The following RFC3 variants were observed in gnomAD, a reference collection of about 807,000 sequenced individuals.
RFC3 encodes replication factor C subunit 3.
Under a neutral mutation model 45.1 loss-of-function variants are expected in RFC3, and 41 were observed. That is an observed-to-expected ratio of 0.91 (90% CI 0.71 to 1.18). RFC3 has a LOEUF of 1.18. Among genes scored for constraint, RFC3 ranks in the 50% most tolerant of loss-of-function variants. RFC3 has a pLI of 0.00. For synonymous variants in RFC3, 149 were observed against 144.0 expected (o/e 1.03, Z -0.25); for missense variants, 423 against 428.1 (o/e 0.99, Z 0.10).
At chr13:33,961,338 T>C (rs1344093528) in intron 8 of RFC3, among the ~76,000 whole-genome samples, 1 of 152,182 alleles carries the variant, frequency 6.6e-6, no homozygotes, top group Admixed American at 6.5e-5. Flanking sequence ...TTTGAATGCT[T>C]CTCTATGTTA....
chr13:33,920,010 C>G (rs1001717207), intron 8 of RFC3, among the ~76,000 whole-genome samples: 1 of 152,108 alleles, frequency 6.6e-6, no homozygotes, highest in African/African-American at 2.4e-5. Flanking sequence ...AAAAGATGCC[C>G]TAGAAATTTT....
intron 8 of RFC3, among the ~76,000 whole-genome samples, chr13:33,857,755 T>C (rs1459750959): frequency 6.6e-6 from 1 of 152,200 alleles, no homozygotes; most frequent in South Asian, 2.1e-4. Context: ...TCAGCACTTA[T>C]TGTATATTTC....
intron 8 of RFC3, among the ~76,000 whole-genome samples, chr13:33,915,461 T>C (rs1042596946): frequency 6.6e-6 from 1 of 152,132 alleles, no homozygotes; most frequent in African/African-American, 2.4e-5. Context: ...GCTATAATTA[T>C]TATTACAGAA....
At chr13:33,912,748 A>AT (rs1477558020) in intron 8 of RFC3, among the ~76,000 whole-genome samples, 1 of 152,122 alleles carries the variant, frequency 6.6e-6, no homozygotes, top group African/African-American at 2.4e-5. Flanking sequence ...AAGATCAGAC[A>AT]TTGGATTTTA....
At chr13:33,973,301 G>T in the RFC3 span, among the ~76,000 whole-genome samples, 3 of 152,176 alleles carry the variant, frequency 2.0e-5, no homozygotes, top group African/African-American at 7.2e-5. Flanking sequence ...GCAGCATTTG[G>T]ATAGCTCACC....
intron 8 of RFC3, among the ~76,000 whole-genome samples, chr13:33,944,358 A>C (rs1484721267): frequency 1.3e-5 from 2 of 152,216 alleles, no homozygotes; most frequent in African/African-American, 4.8e-5. Flanking sequence ...ATTCCTTCCA[A>C]CGCTGCTCAT....
chr13:33,949,758 G>T lies in RFC3; in HGVS notation c.880-16329G>T, dbSNP rs182864586. ...CATTTGAATAGGTAGACTGAATAAA[G>T]CAGATTGTCTTCCCTAATGGGGTTG... On this transcript the variant is annotated intron_variant, in intron 8 of 8. Coordinates refer to the RFC3 transcript ENST00000434425. Among the ~76,000 whole-genome samples the T allele has an allele frequency of 1.4e-3, 215 of 152,304 alleles. 2 individuals are homozygous for T. Among genetic ancestry groups the T allele is most frequent in the African/African-American group, 4.8e-3 (200 of 41,568 alleles).
At chr13:33,904,746 A>C (rs185180156) in intron 8 of RFC3, among the ~76,000 whole-genome samples, 3 of 152,112 alleles carry the variant, frequency 2.0e-5, no homozygotes, top group Admixed American at 2.0e-4. Context: ...TTCCACATTT[A>C]ACATGCCCAC....
chr13:33,864,811 G>C (rs2082362751), intron 8 of RFC3, among the ~76,000 whole-genome samples: 1 of 152,156 alleles, frequency 6.6e-6, no homozygotes, highest in Admixed American at 6.5e-5. Flanking sequence ...ATTTCAACAT[G>C]AGATTTGGAG....
chr13:33,915,724 AAG>A (rs2082728704), intron 8 of RFC3, among the ~76,000 whole-genome samples: 1 of 152,112 alleles, frequency 6.6e-6, no homozygotes, highest in Non-Finnish European at 1.5e-5. Context: ...GTGATTAAAA[AAG>A]AAAACAATGA....
chr13:33,889,075 G>A (rs1391512289), intron 8 of RFC3, among the ~76,000 whole-genome samples: 1 of 152,132 alleles, frequency 6.6e-6, no homozygotes, highest in Non-Finnish European at 1.5e-5. Flanking sequence ...TGTATTACAA[G>A]ATCATACTTT....
intron 8 of RFC3, among the ~76,000 whole-genome samples, chr13:33,902,130 G>C (rs930399542): frequency 4.7e-4 from 72 of 152,022 alleles, no homozygotes; most frequent in African/African-American, 1.7e-3. Flanking sequence ...CAGGAGACAG[G>C]GTGACGTGGG....
chr13:33,835,452 A>T (rs562496894), intron 8 of RFC3: 1 of 684,282 alleles, frequency 1.5e-6, no homozygotes, highest in East Asian at 2.9e-5. Flanking sequence ...AGGAGAACAA[A>T]TAAAGAAGAG....
At chr13:33,828,198 G>A (rs1197560637) in intron 4 of RFC3, among the ~76,000 whole-genome samples, 1 of 152,060 alleles carries the variant, frequency 6.6e-6, no homozygotes, top group Non-Finnish European at 1.5e-5. Flanking sequence ...TGTGTTCTGA[G>A]CTCTATTCCC....
the RFC3 span, among the ~76,000 whole-genome samples, chr13:33,972,591 G>C: frequency 6.6e-6 from 1 of 152,106 alleles, no homozygotes; most frequent in African/African-American, 2.4e-5. Flanking sequence ...GCAAGTCCCT[G>C]TCACAATCTA....
chr13:33,904,376 T>A (rs1003401619), intron 8 of RFC3, among the ~76,000 whole-genome samples: 4 of 152,096 alleles, frequency 2.6e-5, no homozygotes, highest in Non-Finnish European at 5.9e-5. Context: ...ATGAGCATCT[T>A]TCTTTCACTC....
downstream of RFC3, among the ~76,000 whole-genome samples, chr13:33,967,788 CA>C (rs1322879256): frequency 1.1e-5 from 1 of 92,104 alleles, no homozygotes; most frequent in African/African-American, 3.7e-5. Context: ...ACCCGGCCTA[CA>C]CCAGCAATTC....
intron 8 of RFC3, among the ~76,000 whole-genome samples, chr13:33,865,833 C>G (rs2082369771): frequency 6.6e-6 from 1 of 152,124 alleles, no homozygotes; most frequent in Admixed American, 6.6e-5. Context: ...GCGGGTGGAT[C>G]ACCTGAGGTC....
At chr13:33,930,620 A>C (rs537528627) in intron 8 of RFC3, among the ~76,000 whole-genome samples, 53 of 152,210 alleles carry the variant, frequency 3.5e-4, no homozygotes, top group African/African-American at 1.3e-3. Context: ...CCCAGGAATA[A>C]TACTTTGCAT....
Sources: allele counts gnomAD v4.1 joint callset (sites outside exome capture counted in the v4.1 genomes callset), GRCh38; gene constraint gnomAD v4.1.1; transcripts MANE v1.5; gene names NCBI Gene and HGNC (gene_info 2026-07-23, HGNC 2026-07-21).